Variants in DNAH14 observed in about 807,000 individuals in gnomAD.
DNAH14 encodes axonemal beta dynein heavy chain 14.
In DNAH14, 478 loss-of-function variants were observed where a neutral mutation model predicts 520.9. That is an observed-to-expected ratio of 0.92 (90% CI 0.85 to 0.99). The LOEUF is 0.99. DNAH14 is among the 50% of genes least tolerant of loss of function. The pLI is 0.00. For synonymous variants in DNAH14, 1,581 were observed against 1,757.2 expected, an observed-to-expected ratio of 0.90 and a Z score of 2.51; for missense variants, 4,831 against 5,234.5, an observed-to-expected ratio of 0.92 and a Z score of 2.38.
At position 225,042,719 on chromosome 1, in the gene DNAH14, T is replaced by TA; in HGVS notation, c.1489-115dup. On this transcript the variant is annotated intron_variant, in intron 12 of 85. Transcript: ENST00000682510. ...TGTCAGGTATTTGGTAATACAGTGT[T>TA]ACTCGGTTATACTGGAGTTATGATT... 4 of 1,098,396 alleles carry TA rather than the reference T, an allele frequency of 3.6e-6. No homozygotes were observed. In the South Asian group the frequency reaches 6.8e-5, roughly 19 times the overall value. 68.0% of individuals were successfully genotyped at this position (1,098,396 alleles called of 1,614,324 possible).
In DNAH14 at chr1:225,199,518, A is replaced by C. The variant is rs951640743; in HGVS notation, c.5887-4665A>C. On this transcript the variant is annotated intron_variant, in intron 38 of 85. Transcript: ENST00000682510. ...TAGCACTGCCTTTGCTGTATCCCAGAGGTTTCAATAGGTTGTGTCACTATT... is the reference window on the plus strand; with the variant it reads ...TAGCACTGCCTTTGCTGTATCCCAGCGGTTTCAATAGGTTGTGTCACTATT... Among the ~76,000 whole-genome samples, 4 of 152,112 alleles carry C rather than the reference A, an allele frequency of 2.6e-5. No individual in the cohort carries two copies. In the South Asian group the frequency reaches 6.2e-4, roughly 24 times the overall value.
chr1:225,280,704 T>G (rs993914903), intron 54 of DNAH14, among the ~76,000 whole-genome samples: 2 of 151,792 alleles, frequency 1.3e-5, no homozygotes, highest in African/African-American at 2.4e-5. Flanking sequence ...CACATCATAG[T>G]CAACCATTCA....
At chr1:225,281,553 G>A (rs1574494102) in intron 54 of DNAH14, among the ~76,000 whole-genome samples, 1 of 151,972 alleles carries the variant, frequency 6.6e-6, no homozygotes, top group African/African-American at 2.4e-5. Context: ...GGGGAATGGG[G>A]GTGGCAGATG....
chr1:225,095,681 G>T (rs1407103813), intron 21 of DNAH14, among the ~76,000 whole-genome samples: 1 of 152,168 alleles, frequency 6.6e-6, no homozygotes, highest in Non-Finnish European at 1.5e-5. Context: ...ATTGATATAT[G>T]TAACAATACG....
intron 43 of DNAH14, among the ~76,000 whole-genome samples, chr1:225,246,105 C>CAAAAAA (rs140007042): frequency 2.6e-5 from 2 of 77,732 alleles, no homozygotes; most frequent in African/African-American, 4.8e-5. Flanking sequence ...ACAAACCTGG[C>CAAAAAA]AAAAAAAAAA....
intron 27 of DNAH14, among the ~76,000 whole-genome samples, chr1:225,128,754 C>T (rs977522739): frequency 3.2e-4 from 48 of 152,212 alleles, no homozygotes; most frequent in African/African-American, 1.0e-3. Flanking sequence ...TGAAAACTGG[C>T]ACAAGACAGG....
At chr1:225,331,087 C>T (rs1247224848) in intron 64 of DNAH14, among the ~76,000 whole-genome samples, 1 of 151,974 alleles carries the variant, frequency 6.6e-6, no homozygotes, top group Non-Finnish European at 1.5e-5. Context: ...TTCAGTACAT[C>T]TGAAGTGAAA....
intron 30 of DNAH14, among the ~76,000 whole-genome samples, chr1:225,146,160 C>T (rs1230594497): frequency 6.6e-6 from 1 of 152,164 alleles, no homozygotes; most frequent in African/African-American, 2.4e-5. Flanking sequence ...GCCAAAAAGC[C>T]TGCTAATTAA....
In DNAH14 at chr1:225,395,362, G is replaced by T. The variant is rs575999508; in HGVS notation, c.13491+2911G>T. ...TAATCCCAGCACTTTGTGAGGCTGA[G>T]GCGGGCAGATCACGAGGTCAGGAGA... On this transcript the variant is annotated intron_variant, in intron 84 of 85. Transcript: ENST00000682510. 7.2e-3 allele frequency among the ~76,000 whole-genome samples: 1,096 copies of T among 152,320 alleles called. 4 individuals are homozygous for T. Among genetic ancestry groups the T allele is most frequent in the Non-Finnish European group, 0.012 (825 of 68,026 alleles).
At chr1:224,943,534 TA>T (rs1337973073) in intron 1 of DNAH14, among the ~76,000 whole-genome samples, 1 of 152,210 alleles carries the variant, frequency 6.6e-6, no homozygotes, top group Non-Finnish European at 1.5e-5. Context: ...TGCCTTCTGC[TA>T]GCTTTTCAGT....
chr1:225,398,430 T>C (rs2096055907), intron 84 of DNAH14, 90 bp from the exon 85 acceptor site: 1 of 1,453,596 alleles, frequency 6.9e-7, no homozygotes. Flanking sequence ...GATGAGCCCC[T>C]CTGGATCGGT....
rs1385214199 is a variant in DNAH14, at chr1:225,003,245, G to A, written c.975+318G>A. On this transcript the variant is annotated intron_variant, in intron 9 of 85. Coordinates refer to ENST00000682510, the MANE Select transcript of DNAH14 (RefSeq NM_001367479.1). ...TAATTGATATTCTTCCTCTAGTATA[G>A]CATGTCAAGATAGTATCATAAGCTT... Among the ~76,000 whole-genome samples, 8 of 151,882 alleles carry A rather than the reference G, an allele frequency of 5.3e-5. No homozygotes were observed. In the East Asian group the frequency reaches 1.3e-3, roughly 26 times the overall value.
At chr1:225,230,072 A>G (rs904860355) in intron 41 of DNAH14, among the ~76,000 whole-genome samples, 1 of 152,160 alleles carries the variant, frequency 6.6e-6, no homozygotes, top group Non-Finnish European at 1.5e-5. Flanking sequence ...AAAAATATCC[A>G]TATACTCTGG....
chr1:225,050,203 A>G lies in DNAH14; in HGVS notation c.1913-7A>G. 1.3e-6 allele frequency: 2 copies of G among 1,527,060 alleles called. No homozygotes were observed. The highest frequency in any genetic ancestry group is 1.8e-6 in the Non-Finnish European group (2 of 1,140,610). 94.6% of individuals were successfully genotyped at this position (1,527,060 alleles called of 1,614,324 possible). ...TGAAGTACTGACTTTTAAATTATATATTTTAGCCACAATTACTCCTCTTTG... is the reference window on the plus strand; with the variant it reads ...TGAAGTACTGACTTTTAAATTATATGTTTTAGCCACAATTACTCCTCTTTG... On this transcript the variant is annotated splice_region_variant and splice_polypyrimidine_tract_variant and intron_variant, in intron 15 of 85. Coordinates refer to ENST00000682510, the MANE Select transcript of DNAH14 (RefSeq NM_001367479.1).
rs10671374 is a variant in DNAH14 at position 225,043,276 on chromosome 1, G to GAA, written c.1768+182_1768+183dup. ...GAGACCTTGTCTCTTGTCTCTTGGGGAAAAAAAAAAAAAAAAAAAAAGAAT... is the reference window on the plus strand; with the variant it reads ...GAGACCTTGTCTCTTGTCTCTTGGGGAAAAAAAAAAAAAAAAAAAAAAAGAAT... On this transcript the variant is annotated intron_variant, in intron 13 of 85. Coordinates refer to ENST00000682510, the MANE Select transcript of DNAH14 (RefSeq NM_001367479.1). Among the ~76,000 whole-genome samples the GAA allele has an allele frequency of 9.6e-3, 944 of 98,148 alleles. 23 individuals carry two copies. Among genetic ancestry groups the GAA allele is most frequent in the African/African-American group, 0.021 (562 of 26,428 alleles). The allele number at this position is 98,148 out of a possible 152,430, so 64.4% of individuals were successfully genotyped here. A position where few individuals can be genotyped will look rare whatever the true frequency, so the allele number is the denominator to read the frequency against.
intron 43 of DNAH14, among the ~76,000 whole-genome samples, chr1:225,244,695 A>G (rs1196749569): frequency 6.6e-6 from 1 of 152,044 alleles, no homozygotes; most frequent in Non-Finnish European, 1.5e-5. Flanking sequence ...ATCAGTGGTG[A>G]TATCCCCTTC....
At chr1:225,274,474 G>A (rs558376230) in intron 52 of DNAH14, among the ~76,000 whole-genome samples, 1 of 152,126 alleles carries the variant, frequency 6.6e-6, no homozygotes, top group South Asian at 2.1e-4. Flanking sequence ...GATTACAGGC[G>A]TGAGCCACCG....
At chr1:225,174,588 CT>C (rs1467602098) in intron 36 of DNAH14, among the ~76,000 whole-genome samples, 1 of 150,808 alleles carries the variant, frequency 6.6e-6, no homozygotes, top group Non-Finnish European at 1.5e-5. Context: ...GTCGTTAGTA[CT>C]TTCTGTATAG....
chr1:225,191,159 C>A (rs2085382898), intron 37 of DNAH14, among the ~76,000 whole-genome samples: 1 of 151,880 alleles, frequency 6.6e-6, no homozygotes, highest in African/African-American at 2.4e-5. Flanking sequence ...ATCTTTATTT[C>A]TTCAAATGGC....
Sources: allele counts gnomAD v4.1 joint callset (sites outside exome capture counted in the v4.1 genomes callset), GRCh38; gene constraint gnomAD v4.1.1; transcripts MANE v1.5; gene names NCBI Gene and HGNC (gene_info 2026-07-23, HGNC 2026-07-21).